CNTNAP5: variants seen among roughly 807,000 people sequenced by gnomAD.
The protein encoded by CNTNAP5 is contactin associated protein family member 5.
In CNTNAP5, 72 loss-of-function variants were observed where a neutral mutation model predicts 150.2. That is an observed-to-expected ratio of 0.48 (90% CI 0.40 to 0.58). The LOEUF (loss-of-function observed/expected upper bound fraction) is 0.58, where lower values mean the gene tolerates loss of function less well. CNTNAP5 is among the 20% of genes least tolerant of loss of function. The probability of loss-of-function intolerance (pLI) is 0.00; values close to 1 mark genes in which losing one functional copy is unlikely to be tolerated. For synonymous variants in CNTNAP5, 672 were observed against 619.8 expected (o/e 1.08, Z -1.25); for missense variants, 1,636 against 1,626.2 (o/e 1.01, Z -0.10).
chr2:124,827,708 T>C (rs961176878), intron 19 of CNTNAP5, among the ~76,000 whole-genome samples: 2 of 152,224 alleles, frequency 1.3e-5, no homozygotes, highest in African/African-American at 4.8e-5. Context: ...TTTTCCTTTT[T>C]TATCGTAATT....
chr2:124,573,619 A>C (rs1055735508), intron 11 of CNTNAP5, among the ~76,000 whole-genome samples: 1 of 152,220 alleles, frequency 6.6e-6, no homozygotes, highest in Admixed American at 6.5e-5. Context: ...AAAAATTAGC[A>C]CCTATTTTTA....
At chr2:124,129,093 AG>A (rs1416876056) in intron 1 of CNTNAP5, among the ~76,000 whole-genome samples, 21 of 148,560 alleles carry the variant, frequency 1.4e-4, no homozygotes, top group Non-Finnish European at 6.0e-5. Context: ...AATACCCATC[AG>A]AACAGAAAAA....
chr2:124,915,443 T>G lies in CNTNAP5; in HGVS notation c.*1155T>G, dbSNP rs560512395. 6.6e-6 allele frequency among the ~76,000 whole-genome samples: 1 copy of G among 151,954 alleles called. No individual in the cohort carries two copies. The highest frequency in any genetic ancestry group is 1.5e-5 in the Non-Finnish European group (1 of 67,966). On this transcript the variant is annotated 3_prime_UTR_variant, in exon 24 of 24. Transcript: ENST00000682447. ...TCACTCACTAAAGACCTGGTGAAGA[T>G]AGTTAATTCAAATTTGCAAGTTTCA... is the stretch of plus-strand genomic sequence containing the variant.
In CNTNAP5 at chr2:124,817,976, G is replaced by A. The variant is rs535769549; in HGVS notation, c.3217+19656G>A. Among the ~76,000 whole-genome samples the A allele has an allele frequency of 5.3e-5, 8 of 152,268 alleles. No individual in the cohort carries two copies. The South Asian group carries it at 8.3e-4, about 16-fold the overall frequency. ...GCCTTTCTAGACAACGTTAGCCACC[G>A]ACACATTCTCACACACTGCAGCGGA... On this transcript the variant is annotated intron_variant, in intron 19 of 23. Coordinates refer to ENST00000682447, the MANE Select transcript of CNTNAP5 (RefSeq NM_001367498.1).
chr2:124,043,194 C>T (rs1007408239), intron 1 of CNTNAP5, among the ~76,000 whole-genome samples: 9 of 152,264 alleles, frequency 5.9e-5, no homozygotes, highest in Admixed American at 5.9e-4. Flanking sequence ...GTGATGTAGT[C>T]CAGCCTACCC....
intron 3 of CNTNAP5, among the ~76,000 whole-genome samples, chr2:124,326,338 C>T (rs1482943969): frequency 6.6e-6 from 1 of 152,120 alleles, no homozygotes; most frequent in Non-Finnish European, 1.5e-5. Flanking sequence ...GTTTTTCAGC[C>T]AAGATCTTCT....
At chr2:124,822,018 T>G (rs536364903) in intron 19 of CNTNAP5, among the ~76,000 whole-genome samples, 76 of 152,156 alleles carry the variant, frequency 5.0e-4, no homozygotes, top group Non-Finnish European at 8.7e-4. Flanking sequence ...CTGACTGATC[T>G]TCATGTTGTG....
chr2:124,380,711 C>A (rs1690769790), intron 3 of CNTNAP5, among the ~76,000 whole-genome samples: 1 of 152,080 alleles, frequency 6.6e-6, no homozygotes, highest in East Asian at 1.9e-4. Flanking sequence ...TCTTTTGAAG[C>A]AGTTTAAAGA....
intron 6 of CNTNAP5, among the ~76,000 whole-genome samples, chr2:124,474,359 G>T (rs547618902): frequency 1.3e-5 from 2 of 152,096 alleles, no homozygotes; most frequent in South Asian, 4.1e-4. Flanking sequence ...GCTGAATAGA[G>T]GTATGTTTTG....
intron 6 of CNTNAP5, among the ~76,000 whole-genome samples, chr2:124,471,959 A>T (rs1668391640): frequency 6.6e-6 from 1 of 152,246 alleles, no homozygotes; most frequent in Non-Finnish European, 1.5e-5. Flanking sequence ...TTTACAAAAT[A>T]TTTGTGGAAT....
At chr2:124,655,707 G>T (rs1453758752) in intron 13 of CNTNAP5, among the ~76,000 whole-genome samples, 1 of 151,742 alleles carries the variant, frequency 6.6e-6, no homozygotes, top group Non-Finnish European at 1.5e-5. Context: ...AGATCAGCTT[G>T]GGCAACAAAG....
At chr2:124,057,154 A>T (rs1681872726) in intron 1 of CNTNAP5, among the ~76,000 whole-genome samples, 1 of 151,852 alleles carries the variant, frequency 6.6e-6, no homozygotes, top group African/African-American at 2.4e-5. Flanking sequence ...TCAGTTCTTT[A>T]CCCAATTAAG....
At chr2:124,551,198 C>G (rs1695620376) in intron 10 of CNTNAP5, among the ~76,000 whole-genome samples, 1 of 152,104 alleles carries the variant, frequency 6.6e-6, no homozygotes, top group South Asian at 2.1e-4. Flanking sequence ...ATTCGATCAT[C>G]TTTGCTTGTC....
rs114516478 is a variant in CNTNAP5, at chr2:124,908,440, C to A, written c.3656-3027C>A. 3.7e-3 allele frequency among the ~76,000 whole-genome samples: 558 copies of A among 151,978 alleles called. 6 individuals carry two copies. The highest frequency in any genetic ancestry group is 0.013 in the African/African-American group (537 of 41,480). ...CAGAAAAAGGTCATGATCTAATAAA[C>A]CATAATGGATGATTCAGATTTGAAT... On this transcript the variant is annotated intron_variant, in intron 22 of 23. Coordinates refer to ENST00000682447, the MANE Select transcript of CNTNAP5 (RefSeq NM_001367498.1).
chr2:124,529,963 A>T (rs370499692), intron 10 of CNTNAP5, among the ~76,000 whole-genome samples: 1 of 152,282 alleles, frequency 6.6e-6, no homozygotes, highest in East Asian at 1.9e-4. Flanking sequence ...GGCATCTTAC[A>T]TACTTAAACG....
At chr2:124,032,185 G>T (rs1163386729) in intron 1 of CNTNAP5, among the ~76,000 whole-genome samples, 1 of 152,106 alleles carries the variant, frequency 6.6e-6, no homozygotes, top group Non-Finnish European at 1.5e-5. Context: ...CACAAAATGA[G>T]CATCTCATAC....
chr2:124,813,410 G>T (rs1682282927), intron 19 of CNTNAP5, among the ~76,000 whole-genome samples: 1 of 146,046 alleles, frequency 6.8e-6, no homozygotes, highest in Non-Finnish European at 1.5e-5. Context: ...TTTTTTTGAA[G>T]AAAAGATATA....
rs1461169822 is a variant in CNTNAP5, at chr2:124,025,386, G to A, written c.-265G>A. 3.8e-6 allele frequency: 2 copies of A among 530,022 alleles called. No homozygotes were observed. Among genetic ancestry groups the A allele is most frequent in the South Asian group, 2.1e-5 (1 of 47,482 alleles). 32.8% of individuals were successfully genotyped at this position (530,022 alleles called of 1,614,324 possible). On this transcript the variant is annotated 5_prime_UTR_variant, in exon 1 of 24. Transcript: ENST00000682447. ...TTGGATTTGCACCGTTAAGGAGGGGGGAAGAGAAGGAAGAGGCGGGCGAGG... is the reference window on the plus strand; with the variant it reads ...TTGGATTTGCACCGTTAAGGAGGGGAGAAGAGAAGGAAGAGGCGGGCGAGG...
At chr2:124,096,903 C>T (rs1056598156) in intron 1 of CNTNAP5, among the ~76,000 whole-genome samples, 1 of 125,208 alleles carries the variant, frequency 8.0e-6, no homozygotes, top group Non-Finnish European at 1.9e-5. Flanking sequence ...GGGGTTTCAC[C>T]GTGTTCCCCA....
Sources: gnomAD v4.1 joint callset for allele counts (sites outside exome capture counted in the v4.1 genomes callset) on GRCh38, gnomAD v4.1.1 for gene constraint, MANE v1.5 for transcripts, NCBI Gene and HGNC (gene_info 2026-07-23, HGNC 2026-07-21) for gene names.